Variants in BPTF observed in about 807,000 individuals in gnomAD.
The protein encoded by BPTF is bromodomain PHD finger transcription factor.
In BPTF, 18 loss-of-function variants were observed where a neutral mutation model predicts 292.5. The ratio of observed to expected loss-of-function variants is 0.06; its 90% CI spans 0.04 to 0.09. The LOEUF (loss-of-function observed/expected upper bound fraction) is 0.09. Among genes scored for constraint, BPTF ranks in the 10% least tolerant of loss-of-function variants. BPTF has a pLI of 1.00. For missense variants in BPTF, 2,726 were observed against 3,498.7 expected (o/e 0.78, Z 5.57); for synonymous variants, 1,225 against 1,251.9 (o/e 0.98, Z 0.45).
At chr17:67,892,267 C>T (rs1300060292) in intron 5 of BPTF, among the ~76,000 whole-genome samples, 1 of 152,200 alleles carries the variant, frequency 6.6e-6, no homozygotes, top group African/African-American at 2.4e-5. Flanking sequence ...ATGGCTGATA[C>T]ACTTTCTTAC....
At position 67,875,007 on chromosome 17, in the gene BPTF, A is replaced by G; in HGVS notation, c.1851A>G (p.Gln617=). 3 of 1,606,472 alleles carry G rather than the reference A, an allele frequency of 1.9e-6. No homozygotes were observed. Among genetic ancestry groups the G allele is most frequent in the Non-Finnish European group, 2.5e-6 (3 of 1,177,746 alleles). ...DDKTPDDDPE[Q]GKSEVGDFKS... is the part of the protein sequence containing the mutation. ...AAACACCAGATGATGACCCTGAGCA[A>G]GGAAAATCTGAGGGTAAAAAAATTA... The change falls in exon 4 of 28, where the codon CAA becomes CAG. Residue 617 remains glutamine, a synonymous_variant. Transcript: ENST00000306378.
intron 18 of BPTF, among the ~76,000 whole-genome samples, chr17:67,932,887 G>C (rs2064528309): frequency 1.3e-5 from 2 of 152,040 alleles, no homozygotes; most frequent in Non-Finnish European, 2.9e-5. Flanking sequence ...CTGATACTGG[G>C]CAGAATAAAA....
intron 23 of BPTF, 88 bp from the exon 24 acceptor site, chr17:67,959,453 C>T: frequency 9.5e-7 from 1 of 1,051,372 alleles, no homozygotes. Context: ...GCTACTTTGA[C>T]AAGAGTGGGT....
chr17:67,983,904 A>G lies in BPTF; in HGVS notation c.*1616A>G, dbSNP rs1248735789. On this transcript the variant is annotated 3_prime_UTR_variant, in exon 28 of 28. Transcript: ENST00000306378. The stretch of plus-strand genomic sequence containing the variant: ...TCTTTCTTATTACAGGCTCAGGTGT[A>G]CAGGTTATTCTGGGTTAATTTTATC... 1 of 152,628 alleles carries G rather than the reference A, an allele frequency of 6.6e-6. No individual in the cohort carries two copies. The highest frequency in any genetic ancestry group is 1.9e-4 in the East Asian group (1 of 5,204). The allele number at this position is 152,628 out of a possible 1,614,324, so 9.5% of individuals were successfully genotyped here. A position where few individuals can be genotyped will look rare whatever the true frequency, so the allele number is the denominator to read the frequency against.
chr17:67,918,679 T>C (rs1381470597), intron 11 of BPTF, 35 bp from the exon 12 acceptor site: 9 of 1,585,528 alleles, frequency 5.7e-6, no homozygotes, highest in Non-Finnish European at 6.1e-6. Context: ...TATATACATA[T>C]AGATATATAT....
chr17:67,850,942 G>A (rs1208197779), intron 1 of BPTF, among the ~76,000 whole-genome samples: 3 of 152,130 alleles, frequency 2.0e-5, no homozygotes, highest in Non-Finnish European at 4.4e-5. Flanking sequence ...CATGTAAATG[G>A]CAATGCAGAT....
rs748844175 is a variant in BPTF at position 67,918,768 on chromosome 17, A to G, written c.5358A>G (p.Leu1786=). 6.2e-7 allele frequency: 1 copy of G among 1,613,888 alleles called. No homozygotes were observed. Among genetic ancestry groups the G allele is most frequent in the South Asian group, 1.1e-5 (1 of 91,080 alleles). The change falls in exon 12 of 28, where the codon TTA becomes TTG. Residue 1786 remains leucine (L), a synonymous_variant. Coordinates refer to ENST00000306378, the MANE Select transcript of BPTF (RefSeq NM_182641.4). ...SLAGVSLMLR[L]LWASLRWDDM... is the part of the protein sequence containing the mutation. ...CTGGAGTGAGCCTGATGTTACGGTT[A>G]CTGTGGGCAAGTTTGAGATGGGATG... is the stretch of plus-strand genomic sequence containing the variant.
chr17:67,961,310 T>G (rs1173993696), intron 24 of BPTF, among the ~76,000 whole-genome samples: 4 of 152,258 alleles, frequency 2.6e-5, no homozygotes, highest in Non-Finnish European at 5.9e-5. Context: ...ATTAACACTT[T>G]AGTATACCAG....
rs1249614708 is a variant in BPTF at position 67,983,456 on chromosome 17, T to C, written c.*1168T>C. The C allele has an allele frequency of 1.3e-5, 2 of 152,684 alleles. No homozygotes were observed. Among genetic ancestry groups the C allele is most frequent in the African/African-American group, 4.8e-5 (2 of 41,476 alleles). 9.5% of individuals were successfully genotyped at this position (152,684 alleles called of 1,614,324 possible). On this transcript the variant is annotated 3_prime_UTR_variant, in exon 28 of 28. Coordinates refer to ENST00000306378, the MANE Select transcript of BPTF (RefSeq NM_182641.4). ...ATTACCAATTACACACAGCTACTTA[T>C]ATTTTATGAAGGGCATTTTTTAGAT... is the stretch of plus-strand genomic sequence containing the variant.
chr17:67,879,610 G>T (rs775888037), intron 4 of BPTF, among the ~76,000 whole-genome samples: 2 of 152,142 alleles, frequency 1.3e-5, no homozygotes, highest in East Asian at 3.9e-4. Flanking sequence ...TAAAAAAAGA[G>T]ATTTCTTTGG....
intron 7 of BPTF, among the ~76,000 whole-genome samples, chr17:67,903,269 G>C (rs1193058297): frequency 6.6e-6 from 1 of 152,136 alleles, no homozygotes; most frequent in Non-Finnish European, 1.5e-5. Context: ...TGTATTCTTT[G>C]GTCTTCGTTT....
At chr17:67,886,534 A>G (rs780072498) in intron 4 of BPTF, among the ~76,000 whole-genome samples, 17 of 151,886 alleles carry the variant, frequency 1.1e-4, no homozygotes, top group Non-Finnish European at 2.1e-4. Flanking sequence ...TGTTTTCAAA[A>G]TCTACAAAAG....
At chr17:67,952,514 C>T (rs552833770) in intron 23 of BPTF, among the ~76,000 whole-genome samples, 3 of 152,214 alleles carry the variant, frequency 2.0e-5, no homozygotes, top group Non-Finnish European at 2.9e-5. Flanking sequence ...CCTCCCTCCT[C>T]GGCCTCCCAA....
intron 9 of BPTF, among the ~76,000 whole-genome samples, chr17:67,905,383 A>G (rs1644762279): frequency 6.6e-6 from 1 of 151,514 alleles, no homozygotes; most frequent in Admixed American, 6.6e-5. Context: ...ACTCCAGCCT[A>G]GGTGACAGAG....
chr17:67,875,873 A>G (rs1288836868), intron 4 of BPTF: 20 of 724,682 alleles, frequency 2.8e-5, no homozygotes, highest in Non-Finnish European at 3.1e-5. Context: ...TGCCATCCCC[A>G]TTTGCTAAAT....
chr17:67,962,135 AAAAG>A (rs1211463752), intron 24 of BPTF, among the ~76,000 whole-genome samples: 6 of 22,836 alleles, frequency 2.6e-4, no homozygotes, highest in African/African-American at 4.1e-4. Context: ...ACAGCGAGAC[AAAAG>A]AAAAAAAGAA....
intron 24 of BPTF, chr17:67,960,252 A>G (rs574226377): frequency 1.2e-5 from 2 of 160,146 alleles, no homozygotes; most frequent in African/African-American, 4.8e-5. Context: ...AGCCCTGCGA[A>G]TACATGAAAT....
intron 27 of BPTF, 46 bp downstream of exon 27, chr17:67,976,004 C>G: frequency 6.9e-7 from 1 of 1,445,260 alleles, no homozygotes; most frequent in Non-Finnish European, 9.5e-7. Context: ...ACTCTTCACA[C>G]TCTTTATACT....
At position 67,903,931 on chromosome 17, in the gene BPTF, A is replaced by G. The variant is rs377063280; in HGVS notation, c.2673+13A>G. ...AGTTAAGCATCAGGTAATTTTTACA[A>G]CAACCCTTTAAAATAGTGTTAGCCA... On this transcript the variant is annotated intron_variant, in intron 8 of 27. Coordinates refer to ENST00000306378, the MANE Select transcript of BPTF (RefSeq NM_182641.4). 3.2e-5 allele frequency: 51 copies of G among 1,579,040 alleles called. No individual in the cohort carries two copies. The highest frequency in any genetic ancestry group is 1.2e-4 in the African/African-American group (9 of 72,460).
Sources: allele counts gnomAD v4.1 joint callset (sites outside exome capture counted in the v4.1 genomes callset), GRCh38; gene constraint gnomAD v4.1.1; transcripts MANE v1.5; gene names NCBI Gene and HGNC (gene_info 2026-07-23, HGNC 2026-07-21).